ST6GALNAC3: variants seen among roughly 807,000 people sequenced by gnomAD.
The protein encoded by ST6GALNAC3 is ST6 N-acetylgalactosaminide alpha-2,6-sialyltransferase 3.
A neutral mutation model predicts 32.7 loss-of-function variants in ST6GALNAC3; 25 were observed. That is an observed-to-expected ratio of 0.76 (90% CI 0.56 to 1.07). ST6GALNAC3 has a LOEUF of 1.07. Among genes scored for constraint, ST6GALNAC3 ranks in the 50% least tolerant of loss-of-function variants. The pLI is 0.00. For missense variants in ST6GALNAC3, 355 were observed against 382.4 expected, an observed-to-expected ratio of 0.93 and a Z score of 0.60; for synonymous variants, 129 against 133.1, an observed-to-expected ratio of 0.97 and a Z score of 0.21.
chr1:76,260,579 G>A (rs1427611174), intron 1 of ST6GALNAC3, among the ~76,000 whole-genome samples: 2 of 152,154 alleles, frequency 1.3e-5, no homozygotes, highest in Non-Finnish European at 2.9e-5. Flanking sequence ...CTTCCCCAAG[G>A]TCACAGGAAG....
chr1:76,242,424 A>T (rs1161089246), intron 1 of ST6GALNAC3, among the ~76,000 whole-genome samples: 1 of 152,022 alleles, frequency 6.6e-6, no homozygotes, highest in Non-Finnish European at 1.5e-5. Context: ...ATGTTGCCAG[A>T]TACCTTCTTT....
rs569973973 is a variant in ST6GALNAC3, at chr1:76,453,518, T to C, written c.623+41101T>C. Among the ~76,000 whole-genome samples the C allele has an allele frequency of 1.5e-3, 235 of 152,288 alleles. 2 individuals are homozygous for C. Among genetic ancestry groups the C allele is most frequent in the African/African-American group, 5.5e-3 (227 of 41,570 alleles). ...TTCAATGAATTTTTAAATTTCCATCTTGATTTCATTGTTGACCCAAAAATC... is the reference window on the plus strand; with the variant it reads ...TTCAATGAATTTTTAAATTTCCATCCTGATTTCATTGTTGACCCAAAAATC... On this transcript the variant is annotated intron_variant, in intron 3 of 4. Coordinates refer to ENST00000328299, the MANE Select transcript of ST6GALNAC3 (RefSeq NM_152996.4).
intron 3 of ST6GALNAC3, among the ~76,000 whole-genome samples, chr1:76,469,972 G>T (rs1263187833): frequency 6.6e-6 from 1 of 151,784 alleles, no homozygotes; most frequent in Admixed American, 6.6e-5. Context: ...TTTGTTTTTT[G>T]GTAACTAGCA....
chr1:76,312,826 C>T (rs1295982552), intron 1 of ST6GALNAC3, among the ~76,000 whole-genome samples: 7 of 152,152 alleles, frequency 4.6e-5, no homozygotes, highest in Non-Finnish European at 1.0e-4. Flanking sequence ...GTAAGACAAA[C>T]TACTGTACGC....
chr1:76,309,335 A>T (rs1557773782), intron 1 of ST6GALNAC3, among the ~76,000 whole-genome samples: 1 of 152,144 alleles, frequency 6.6e-6, no homozygotes, highest in Non-Finnish European at 1.5e-5. Context: ...TGGCTTGAAG[A>T]TGTAAATTCT....
At chr1:76,525,787 G>GTA (rs1662840934) in intron 3 of ST6GALNAC3, among the ~76,000 whole-genome samples, 1 of 71,422 alleles carries the variant, frequency 1.4e-5, no homozygotes, top group Admixed American at 1.6e-4. Flanking sequence ...GTGTGTGTGT[G>GTA]TGTGTATATA....
chr1:76,255,795 TA>T (rs1305103650), intron 1 of ST6GALNAC3, among the ~76,000 whole-genome samples: 1 of 151,954 alleles, frequency 6.6e-6, no homozygotes, highest in Non-Finnish European at 1.5e-5. Flanking sequence ...GAGGAAAGGA[TA>T]TCTATAACAG....
intron 3 of ST6GALNAC3, among the ~76,000 whole-genome samples, chr1:76,454,038 C>T (rs1408859696): frequency 6.6e-6 from 1 of 152,110 alleles, no homozygotes; most frequent in African/African-American, 2.4e-5. Context: ...TGATGCCTCT[C>T]TGTGTATTTT....
chr1:76,488,752 GC>G (rs1480069867), intron 3 of ST6GALNAC3, among the ~76,000 whole-genome samples: 2 of 152,164 alleles, frequency 1.3e-5, no homozygotes, highest in Non-Finnish European at 2.9e-5. Context: ...CCCAGAGCCA[GC>G]TCTGCACAAA....
intron 3 of ST6GALNAC3, among the ~76,000 whole-genome samples, chr1:76,528,601 A>G (rs956374684): frequency 2.0e-5 from 3 of 151,996 alleles, no homozygotes; most frequent in African/African-American, 7.3e-5. Flanking sequence ...ATAGCTTCTA[A>G]CTGTTTTTGA....
rs563308086 is a variant in ST6GALNAC3, at chr1:76,271,988, A to C, written c.19-41817A>C. ...AGCACAAGGGAGTGAAACTAGCTGC[A>C]TGACAATAGAGGCTCTTAGAAACAG... On this transcript the variant is annotated intron_variant, in intron 1 of 4. Coordinates refer to ENST00000328299, the MANE Select transcript of ST6GALNAC3 (RefSeq NM_152996.4). Among the ~76,000 whole-genome samples, 9 of 152,284 alleles carry C rather than the reference A, an allele frequency of 5.9e-5. No individual in the cohort carries two copies. The South Asian group carries it at 1.9e-3, about 32-fold the overall frequency.
intron 3 of ST6GALNAC3, among the ~76,000 whole-genome samples, chr1:76,578,970 G>C (rs993017903): frequency 1.3e-5 from 2 of 152,006 alleles, no homozygotes; most frequent in Non-Finnish European, 2.9e-5. Flanking sequence ...GAGAGAGCAA[G>C]AGTGAGTTTC....
chr1:76,340,704 G>A (rs1029130513), intron 2 of ST6GALNAC3, among the ~76,000 whole-genome samples: 12 of 152,080 alleles, frequency 7.9e-5, no homozygotes, highest in Admixed American at 4.6e-4. Context: ...ATACTAAAAT[G>A]TTGCACATCT....
At chr1:76,608,727 C>A (rs1013132271) in intron 3 of ST6GALNAC3, among the ~76,000 whole-genome samples, 11 of 151,572 alleles carry the variant, frequency 7.3e-5, no homozygotes. Flanking sequence ...AAAAAATTAA[C>A]CCTTTGAATT....
chr1:76,437,844 G>A (rs1334754354), intron 3 of ST6GALNAC3, among the ~76,000 whole-genome samples: 1 of 151,958 alleles, frequency 6.6e-6, no homozygotes, highest in Non-Finnish European at 1.5e-5. Context: ...AAAGTTCTGA[G>A]ATTATAGGCG....
chr1:76,180,070 A>G (rs1268784886), intron 1 of ST6GALNAC3, among the ~76,000 whole-genome samples: 1 of 152,226 alleles, frequency 6.6e-6, no homozygotes, highest in East Asian at 1.9e-4. Flanking sequence ...ATAAAGTGCT[A>G]ACAAATACTT....
chr1:76,100,898 G>T (rs771485253), intron 1 of ST6GALNAC3, among the ~76,000 whole-genome samples: 1 of 150,804 alleles, frequency 6.6e-6, no homozygotes, highest in East Asian at 2.0e-4. Flanking sequence ...CAACAAAATT[G>T]AGCAGAAGGT....
intron 2 of ST6GALNAC3, among the ~76,000 whole-genome samples, chr1:76,328,259 A>G (rs765374268): frequency 6.6e-6 from 1 of 152,248 alleles, no homozygotes; most frequent in Admixed American, 6.5e-5. Flanking sequence ...TAACTCTCAT[A>G]TGTGATTTAA....
chr1:76,213,220 A>G (rs1276672372), intron 1 of ST6GALNAC3, among the ~76,000 whole-genome samples: 1 of 152,096 alleles, frequency 6.6e-6, no homozygotes, highest in African/African-American at 2.4e-5. Context: ...GACATGTGGT[A>G]CTTCAAAACC....
Sources: gnomAD v4.1 joint callset for allele counts (sites outside exome capture counted in the v4.1 genomes callset) on GRCh38, gnomAD v4.1.1 for gene constraint, MANE v1.5 for transcripts, NCBI Gene and HGNC (gene_info 2026-07-23, HGNC 2026-07-21) for gene names.